Variants in PDE1A observed in about 807,000 individuals in gnomAD.
The protein encoded by PDE1A is dual specificity calcium/calmodulin-dependent 3',5'-cyclic nucleotide phosphodiesterase 1A.
A neutral mutation model predicts 61.7 loss-of-function variants in PDE1A; 35 were observed. The observed-to-expected ratio is 0.57, with a 90% CI of 0.43 to 0.75. The LOEUF (loss-of-function observed/expected upper bound fraction) is 0.75, where lower values mean the gene tolerates loss of function less well. Among genes scored for constraint, PDE1A ranks in the 30% least tolerant of loss-of-function variants. The probability of loss-of-function intolerance (pLI) is 0.00; values close to 1 mark genes in which losing one functional copy is unlikely to be tolerated. For synonymous variants in PDE1A, 232 were observed against 213.2 expected (o/e 1.09, Z -0.77); for missense variants, 597 against 630.6 (o/e 0.95, Z 0.57).
In PDE1A at chr2:182,321,462, T is replaced by C. The variant is rs76200725; in HGVS notation, c.54-57048A>G. Among the ~76,000 whole-genome samples the C allele has an allele frequency of 1.7e-3, 253 of 152,256 alleles. 1 individual carries two copies. Among genetic ancestry groups the C allele is most frequent in the African/African-American group, 5.9e-3 (246 of 41,556 alleles). On this transcript the variant is annotated intron_variant, in intron 1 of 13. Transcript: ENST00000351439. ...TTCCAAAATCTTTGCTTTTTTTTGG[T>C]TTTATGAAGTATCAGGCACTGTTAA...
chr2:182,296,471 T>C (rs1266118656), intron 1 of PDE1A, among the ~76,000 whole-genome samples: 19 of 152,180 alleles, frequency 1.2e-4, no homozygotes. Flanking sequence ...GATATAGATA[T>C]ACAGATATAG....
chr2:182,561,754 C>T, the PDE1A span, among the ~76,000 whole-genome samples: 6 of 152,096 alleles, frequency 3.9e-5, no homozygotes, highest in South Asian at 4.2e-4. Context: ...TGTAGTTCTC[C>T]TTGAAGAGGT....
chr2:182,554,721 A>T, the PDE1A span, among the ~76,000 whole-genome samples: 2 of 152,186 alleles, frequency 1.3e-5, no homozygotes, highest in African/African-American at 4.8e-5. Flanking sequence ...TAATGTTATC[A>T]TTATTTTTAG....
intron 1 of PDE1A, among the ~76,000 whole-genome samples, chr2:182,268,857 T>C (rs988883190): frequency 2.6e-5 from 4 of 152,144 alleles, no homozygotes; most frequent in African/African-American, 9.6e-5. Context: ...TGTTTCTCAT[T>C]GACAACGTTC....
the PDE1A span, among the ~76,000 whole-genome samples, chr2:182,531,299 T>G: frequency 1.3e-5 from 2 of 150,744 alleles, no homozygotes; most frequent in Non-Finnish European, 3.0e-5. Context: ...TTACATTAAA[T>G]GTAAATGATC....
the PDE1A span, among the ~76,000 whole-genome samples, chr2:182,661,347 T>C: frequency 6.6e-6 from 1 of 152,206 alleles, no homozygotes; most frequent in Non-Finnish European, 1.5e-5. Flanking sequence ...TATGCCCATA[T>C]ACTAGAAAGA....
downstream of PDE1A, among the ~76,000 whole-genome samples, chr2:182,163,365 C>A (rs569526967): frequency 1.6e-4 from 24 of 152,270 alleles, no homozygotes; most frequent in East Asian, 4.6e-3. Flanking sequence ...GTATACCAAC[C>A]CTTCAGCCCT....
At chr2:182,161,735 A>G (rs1362658600) in intron 13 of PDE1A, among the ~76,000 whole-genome samples, 1 of 152,166 alleles carries the variant, frequency 6.6e-6, no homozygotes, top group Non-Finnish European at 1.5e-5. Flanking sequence ...GTTCTAACTG[A>G]TACCAGCAGA....
chr2:182,701,236 C>T, the PDE1A span, among the ~76,000 whole-genome samples: 17 of 151,746 alleles, frequency 1.1e-4, no homozygotes, highest in Non-Finnish European at 4.4e-5. Flanking sequence ...GGGGTTTCAC[C>T]GTGTTAGCCA....
the PDE1A span, among the ~76,000 whole-genome samples, chr2:182,543,236 A>G: frequency 6.6e-5 from 10 of 152,246 alleles, no homozygotes; most frequent in Non-Finnish European, 1.3e-4. Context: ...TTTTCTCTTA[A>G]GTGTATTTAT....
chr2:182,162,082 C>T (rs991370718), intron 13 of PDE1A, among the ~76,000 whole-genome samples: 1 of 152,156 alleles, frequency 6.6e-6, no homozygotes, highest in Admixed American at 6.5e-5. Context: ...CCAGAAGATA[C>T]ACCTTTCACT....
intron 2 of PDE1A, among the ~76,000 whole-genome samples, chr2:182,247,113 C>T (rs1691030284): frequency 1.3e-5 from 2 of 152,090 alleles, no homozygotes; most frequent in South Asian, 4.1e-4. Context: ...CCAATCATCT[C>T]CTTCATTGCC....
At chr2:182,408,677 C>G (rs1702442770) in intron 1 of PDE1A, among the ~76,000 whole-genome samples, 1 of 147,324 alleles carries the variant, frequency 6.8e-6, no homozygotes, top group East Asian at 2.1e-4. Context: ...TTCTCATAAA[C>G]TGTTTAAATA....
intron 1 of PDE1A, among the ~76,000 whole-genome samples, chr2:182,279,417 A>G (rs1290258435): frequency 7.0e-6 from 1 of 141,910 alleles, no homozygotes; most frequent in Admixed American, 7.6e-5. Context: ...TACTGGTAAG[A>G]GCAACCTTCC....
intron 1 of PDE1A, among the ~76,000 whole-genome samples, chr2:182,343,003 A>G (rs192657498): frequency 7.7e-4 from 117 of 152,354 alleles, no homozygotes; most frequent in African/African-American, 2.7e-3. Context: ...GTGTGAATAC[A>G]TGTACAAACT....
the PDE1A span, among the ~76,000 whole-genome samples, chr2:182,537,301 T>C: frequency 6.6e-6 from 1 of 152,124 alleles, no homozygotes; most frequent in Non-Finnish European, 1.5e-5. Flanking sequence ...ATATACACCA[T>C]GGAATATTAT....
the PDE1A span, among the ~76,000 whole-genome samples, chr2:182,577,064 CAGA>C: frequency 6.6e-6 from 1 of 152,104 alleles, no homozygotes; most frequent in Non-Finnish European, 1.5e-5. Context: ...ATTTGATGCA[CAGA>C]AGTTTTTAAT....
intron 3 of PDE1A, among the ~76,000 whole-genome samples, chr2:182,238,266 CAAAA>C (rs3063250): frequency 1.2e-4 from 12 of 98,098 alleles, no homozygotes; most frequent in Admixed American, 3.7e-4. Flanking sequence ...CAGACTACGT[CAAAA>C]AAAAAAAAAA....
intron 1 of PDE1A, among the ~76,000 whole-genome samples, chr2:182,377,040 T>C (rs1700450714): frequency 6.6e-6 from 1 of 152,162 alleles, no homozygotes; most frequent in Non-Finnish European, 1.5e-5. Flanking sequence ...CAAGATGAGA[T>C]TTGGGTGGGG....
Sources: allele counts gnomAD v4.1 joint callset (sites outside exome capture counted in the v4.1 genomes callset), GRCh38; gene constraint gnomAD v4.1.1; transcripts MANE v1.5; gene names NCBI Gene and HGNC (gene_info 2026-07-23, HGNC 2026-07-21).